The following PAM variants were observed in gnomAD, a reference collection of about 807,000 sequenced individuals.
PAM encodes peptidylglycine alpha-amidating monooxygenase, also known as peptidyl-glycine alpha-amidating monooxygenase.
In PAM, 72 loss-of-function variants were observed where a neutral mutation model predicts 122.1. That is an observed-to-expected ratio of 0.59 (90% confidence interval 0.49 to 0.72). The LOEUF is 0.72. Ranked by LOEUF, PAM falls within the 30% of genes least tolerant of loss-of-function variation. The probability of loss-of-function intolerance (pLI) is 0.00; values close to 1 mark genes in which losing one functional copy is unlikely to be tolerated. For missense variants in PAM, 1,106 were observed against 1,183.7 expected (o/e 0.93, Z 0.96); for synonymous variants, 389 against 404.4 (o/e 0.96, Z 0.46).
At chr5:103,024,123 T>C (rs1350884397) in intron 23 of PAM, among the ~76,000 whole-genome samples, 1 of 152,164 alleles carries the variant, frequency 6.6e-6, no homozygotes, top group Non-Finnish European at 1.5e-5. Flanking sequence ...ATTTCAGAAA[T>C]GTATGACCTG....
chr5:102,878,879 T>C (rs906474767), intron 3 of PAM, among the ~76,000 whole-genome samples: 1 of 152,126 alleles, frequency 6.6e-6, no homozygotes, highest in South Asian at 2.1e-4. Context: ...AGTAAAAAGT[T>C]ATAGTAAGCT....
At chr5:102,804,124 T>C (rs1489604541) in intron 1 of PAM, among the ~76,000 whole-genome samples, 1 of 152,102 alleles carries the variant, frequency 6.6e-6, no homozygotes, top group East Asian at 1.9e-4. Context: ...GGGGACATAT[T>C]TGTGCATCAG....
At chr5:102,865,321 A>G (rs1785228696) in intron 1 of PAM, 1 of 152,234 alleles carries the variant, frequency 6.6e-6, no homozygotes, top group Non-Finnish European at 1.5e-5. Context: ...ATGCATGTAT[A>G]TAAGCATGCC....
chr5:102,932,691 G>A (rs957412573), intron 7 of PAM, among the ~76,000 whole-genome samples: 5 of 150,806 alleles, frequency 3.3e-5, no homozygotes, highest in East Asian at 3.9e-4. Context: ...AGTATATTAC[G>A]TGTCTTAGGA....
chr5:102,762,184 T>G (rs1752545707), intron 1 of PAM, among the ~76,000 whole-genome samples: 1 of 152,260 alleles, frequency 6.6e-6, no homozygotes, highest in South Asian at 2.1e-4. Flanking sequence ...TAAAGTCACT[T>G]GTTCAGTGTG....
At chr5:102,867,238 T>A (rs1330321690) in intron 2 of PAM, 35 bp from the exon 3 acceptor site, 2 of 1,467,370 alleles carry the variant, frequency 1.4e-6, no homozygotes, top group African/African-American at 2.8e-5. Context: ...GATTCCATTA[T>A]GTTCAAGAAT....
intron 3 of PAM, among the ~76,000 whole-genome samples, chr5:102,888,094 G>A (rs1045492430): frequency 5.3e-5 from 8 of 152,156 alleles, no homozygotes; most frequent in Admixed American, 3.9e-4. Flanking sequence ...ACTATGGAGG[G>A]CAGGAAGCAC....
intron 7 of PAM, among the ~76,000 whole-genome samples, chr5:102,945,651 T>TCCCC (rs532975979): frequency 2.6e-5 from 4 of 151,802 alleles, no homozygotes; most frequent in Non-Finnish European, 5.9e-5. Flanking sequence ...TCTATTCTTC[T>TCCCC]CCCCCCCTCT....
At chr5:102,921,076 T>C (rs954748689) in intron 5 of PAM, among the ~76,000 whole-genome samples, 14 of 152,144 alleles carry the variant, frequency 9.2e-5, no homozygotes, top group African/African-American at 2.4e-4. Flanking sequence ...TTTCAAATGT[T>C]AATTCTCATC....
upstream of PAM, chr5:102,754,939 C>T (rs536779355): frequency 4.2e-4 from 64 of 152,420 alleles, no homozygotes; most frequent in African/African-American, 1.5e-3. Flanking sequence ...CTACCTCTGG[C>T]CCGCGCGTGA....
chr5:102,996,017 G>A (rs3776862), intron 16 of PAM, among the ~76,000 whole-genome samples: 52,440 of 151,688 alleles, frequency 0.35, 9,359 homozygotes, highest in East Asian at 0.44. Flanking sequence ...TTCAGTTGCT[G>A]TTATTTAATT....
intron 16 of PAM, among the ~76,000 whole-genome samples, chr5:102,994,863 C>A (rs1470523390): frequency 6.6e-6 from 1 of 152,028 alleles, no homozygotes; most frequent in Admixed American, 6.6e-5. Context: ...ATAAGCATGC[C>A]TTTTATATCT....
rs144540375 is a variant in PAM at position 102,984,486 on chromosome 5, A to G, written c.1484-5786A>G. Among the ~76,000 whole-genome samples the G allele has an allele frequency of 3.4e-3, 512 of 152,324 alleles. 4 individuals are homozygous for G. The highest frequency in any genetic ancestry group is 9.3e-3 in the Admixed American group (143 of 15,306). ...TTAAGAATGGTAAAAACAACAAACA[A>G]CAACGAAGATGATCATTATATAATG... On this transcript the variant is annotated intron_variant, in intron 15 of 25. Transcript: ENST00000438793.
chr5:103,016,672 A>G (rs895987420), intron 21 of PAM, among the ~76,000 whole-genome samples: 2 of 152,224 alleles, frequency 1.3e-5, no homozygotes, highest in Non-Finnish European at 2.9e-5. Context: ...GAGCATCTGA[A>G]GTAGGGACAA....
At chr5:102,881,129 T>TACACACACACACACAC (rs34434423) in intron 3 of PAM, among the ~76,000 whole-genome samples, 3,044 of 145,738 alleles carry the variant, frequency 0.021, 71 homozygotes, top group East Asian at 0.13. Flanking sequence ...TTTTTATACA[T>TACACACACACACACAC]ACACACACAC....
chr5:102,897,469 AAATT>A (rs1158351384), intron 3 of PAM, among the ~76,000 whole-genome samples: 1 of 151,708 alleles, frequency 6.6e-6, no homozygotes, highest in Admixed American at 6.6e-5. Flanking sequence ...ATAGTTAAGC[AAATT>A]AATCTCTCCA....
At chr5:102,913,424 C>T (rs1204149655) in intron 4 of PAM, among the ~76,000 whole-genome samples, 1 of 151,786 alleles carries the variant, frequency 6.6e-6, no homozygotes, top group Non-Finnish European at 1.5e-5. Flanking sequence ...ATTTTTCTTT[C>T]CTGGTAAATT....
At chr5:103,005,907 C>G (rs1400215170) in intron 18 of PAM, among the ~76,000 whole-genome samples, 40 of 150,792 alleles carry the variant, frequency 2.7e-4, no homozygotes. Flanking sequence ...CTGTTCCTAA[C>G]TTGTTGTTGT....
chr5:102,874,864 A>G (rs1429993565), intron 3 of PAM, among the ~76,000 whole-genome samples: 2 of 152,186 alleles, frequency 1.3e-5, no homozygotes, highest in East Asian at 1.9e-4. Flanking sequence ...GTCTGTGTTC[A>G]AGGCATTATT....
Sources: allele counts gnomAD v4.1 joint callset (sites outside exome capture counted in the v4.1 genomes callset), GRCh38; gene constraint gnomAD v4.1.1; transcripts MANE v1.5; gene names NCBI Gene and HGNC (gene_info 2026-07-23, HGNC 2026-07-21).